Variants in KCNH7 observed in about 807,000 individuals in gnomAD.
KCNH7 encodes the protein voltage-gated inwardly rectifying potassium channel KCNH7.
Under a neutral mutation model 120.8 loss-of-function variants are expected in KCNH7, and 49 were observed. The observed-to-expected ratio is 0.41, with a 90% CI of 0.32 to 0.51. The LOEUF (loss-of-function observed/expected upper bound fraction) is 0.51, where lower values mean the gene tolerates loss of function less well. Ranked by LOEUF, KCNH7 falls within the 20% of genes least tolerant of loss-of-function variation. KCNH7 has a pLI of 0.38. For synonymous variants in KCNH7, 547 were observed against 516.1 expected (o/e 1.06, Z -0.81); for missense variants, 1,097 against 1,446.6 (o/e 0.76, Z 3.92).
intron 6 of KCNH7, among the ~76,000 whole-genome samples, chr2:162,461,568 T>C (rs1000863604): frequency 3.3e-5 from 5 of 152,232 alleles, no homozygotes; most frequent in African/African-American, 1.2e-4. Context: ...TGGTGTGACC[T>C]TGGAGCAAGT....
chr2:162,763,094 T>C (rs1432255725), intron 2 of KCNH7, among the ~76,000 whole-genome samples: 1 of 152,060 alleles, frequency 6.6e-6, no homozygotes, highest in Non-Finnish European at 1.5e-5. Flanking sequence ...CTATAAGAAT[T>C]TCAGGAATCA....
chr2:162,484,359 T>C (rs1171865289), intron 6 of KCNH7, among the ~76,000 whole-genome samples: 3 of 152,118 alleles, frequency 2.0e-5, no homozygotes, highest in Non-Finnish European at 4.4e-5. Context: ...CTGTGTCTCC[T>C]TGGTCCCCAT....
chr2:162,616,075 A>T (rs752095099), intron 2 of KCNH7, among the ~76,000 whole-genome samples: 38 of 152,190 alleles, frequency 2.5e-4, no homozygotes, highest in South Asian at 4.1e-4. Flanking sequence ...CACTTATTTT[A>T]AAATACCAAA....
intron 2 of KCNH7, among the ~76,000 whole-genome samples, chr2:162,560,801 C>T (rs1693035171): frequency 6.6e-6 from 1 of 152,132 alleles, no homozygotes. Flanking sequence ...TTTATTACTA[C>T]AAATACTTGT....
intron 6 of KCNH7, among the ~76,000 whole-genome samples, chr2:162,497,535 C>T (rs1420893225): frequency 1.3e-5 from 2 of 152,048 alleles, no homozygotes; most frequent in African/African-American, 4.8e-5. Flanking sequence ...ACAAGTATGT[C>T]CAACTGCCAC....
At chr2:162,507,002 C>T (rs571145632) in intron 5 of KCNH7, among the ~76,000 whole-genome samples, 1 of 151,880 alleles carries the variant, frequency 6.6e-6, no homozygotes, top group Non-Finnish European at 1.5e-5. Context: ...TTAAAACTAA[C>T]TGTTTCACAT....
At chr2:162,457,208 T>C (rs758667749) in intron 6 of KCNH7, among the ~76,000 whole-genome samples, 2 of 152,070 alleles carry the variant, frequency 1.3e-5, no homozygotes. Context: ...GGAAAAAAGC[T>C]GCTACACAGT....
At chr2:162,604,080 C>G (rs1244137501) in intron 2 of KCNH7, among the ~76,000 whole-genome samples, 1 of 152,036 alleles carries the variant, frequency 6.6e-6, no homozygotes, top group African/African-American at 2.4e-5. Flanking sequence ...AGTTTACTAA[C>G]TTAGCTAGAG....
chr2:162,379,960 A>C lies in KCNH7; in HGVS notation c.3024T>G (p.Ser1008Arg), dbSNP rs929415090. 6.8e-6 allele frequency: 11 copies of C among 1,613,926 alleles called. No homozygotes were observed. In the African/African-American group the frequency reaches 1.5e-4, roughly 22 times the overall value. ...ENAHPQPEDS[S>R]PSALQRAAWG... Reference sequence around the variant, plus strand: ...AGGCAGCTCGCTGAAGTGCAGATGGACTGGAGTCTTCAGGCTGGGGATGTG... The same window carrying C: ...AGGCAGCTCGCTGAAGTGCAGATGGCCTGGAGTCTTCAGGCTGGGGATGTG... Residue 1008 changes from serine (S) to arginine (R), a missense_variant, in exon 14 of 16, where the codon AGT (serine) becomes AGG (arginine). Physicochemically the swap from Ser to Arg is moderately radical, Grantham distance 110. Coordinates refer to ENST00000332142, the MANE Select transcript of KCNH7 (RefSeq NM_033272.4).
chr2:162,657,835 C>A (rs944723230), intron 2 of KCNH7, among the ~76,000 whole-genome samples: 13 of 151,662 alleles, frequency 8.6e-5, no homozygotes, highest in African/African-American at 3.2e-4. Context: ...AATCATAGAA[C>A]TAAATATAAA....
At chr2:162,687,014 T>C (rs924036599) in intron 2 of KCNH7, among the ~76,000 whole-genome samples, 5 of 152,096 alleles carry the variant, frequency 3.3e-5, no homozygotes, top group African/African-American at 4.8e-5. Flanking sequence ...TCTCTAGATT[T>C]GTAAAGGGCA....
intron 2 of KCNH7, among the ~76,000 whole-genome samples, chr2:162,688,244 A>C (rs1277313415): frequency 2.0e-5 from 3 of 152,138 alleles, no homozygotes; most frequent in Admixed American, 6.6e-5. Context: ...CTCAGGAAAA[A>C]ACACAAACTG....
At chr2:162,498,650 A>G (rs1044122200) in intron 6 of KCNH7, among the ~76,000 whole-genome samples, 1 of 152,020 alleles carries the variant, frequency 6.6e-6, no homozygotes, top group Non-Finnish European at 1.5e-5. Flanking sequence ...TCAAGGGACT[A>G]TACTTTTTCC....
At chr2:162,530,460 G>A (rs546320021) in intron 3 of KCNH7, among the ~76,000 whole-genome samples, 8 of 150,026 alleles carry the variant, frequency 5.3e-5, no homozygotes, top group East Asian at 3.9e-4. Flanking sequence ...GCTAGTGTGC[G>A]CGAGCGTGCG....
chr2:162,562,877 T>A (rs2105882536), intron 2 of KCNH7, among the ~76,000 whole-genome samples: 1 of 152,264 alleles, frequency 6.6e-6, no homozygotes, highest in African/African-American at 2.4e-5. Context: ...GGTGCCACAC[T>A]TGCGTCCCAT....
rs1032233894 is a variant in KCNH7 at position 162,561,054 on chromosome 2, T to C, written c.308-23974A>G. On this transcript the variant is annotated intron_variant, in intron 2 of 15. Coordinates refer to ENST00000332142, the MANE Select transcript of KCNH7 (RefSeq NM_033272.4). ...TGAAAATACAGAAATGAAATAACCT[T>C]TTTTTTTTTTTACTATCTGGAAATG... Among the ~76,000 whole-genome samples, 9 of 22,932 alleles carry C rather than the reference T, an allele frequency of 3.9e-4. No individual in the cohort carries two copies. In the African/African-American group the frequency reaches 6.5e-3, roughly 17 times the overall value. 15.0% of individuals were successfully genotyped at this position (22,932 alleles called of 152,430 possible). A position where few individuals can be genotyped will look rare whatever the true frequency, so the allele number is the denominator to read the frequency against.
chr2:162,682,413 GAGAC>G lies in KCNH7; in HGVS notation c.308-145337_308-145334del, dbSNP rs1210788328. On this transcript the variant is annotated intron_variant, in intron 2 of 15. Coordinates refer to ENST00000332142, the MANE Select transcript of KCNH7 (RefSeq NM_033272.4). ...ATAAGTCTAGTTGTCCTGAGAGACA[GAGAC>G]AGAGAGAGAGAGAGAGAGAGAGAGA... is the stretch of plus-strand genomic sequence containing the variant. Among the ~76,000 whole-genome samples the G allele has an allele frequency of 3.1e-5, 4 of 128,598 alleles. No homozygotes were observed. The East Asian group carries it at 9.9e-4, about 32-fold the overall frequency. The allele number at this position is 128,598 out of a possible 152,430, so 84.4% of individuals were successfully genotyped here. A position where few individuals can be genotyped will look rare whatever the true frequency, so the allele number is the denominator to read the frequency against.
intron 6 of KCNH7, among the ~76,000 whole-genome samples, chr2:162,469,853 C>T (rs1486002228): frequency 9.2e-5 from 14 of 152,306 alleles, no homozygotes; most frequent in East Asian, 7.8e-4. Flanking sequence ...ATTGCAGGCG[C>T]GCGCCGCCAC....
At chr2:162,530,459 CGCGAGCGT>C (rs1224296535) in intron 3 of KCNH7, among the ~76,000 whole-genome samples, 3 of 150,056 alleles carry the variant, frequency 2.0e-5, no homozygotes, top group African/African-American at 7.5e-5. Flanking sequence ...CGCTAGTGTG[CGCGAGCGT>C]GCGCGCACAC....
Sources: gnomAD v4.1 joint callset for allele counts (sites outside exome capture counted in the v4.1 genomes callset) on GRCh38, gnomAD v4.1.1 for gene constraint, MANE v1.5 for transcripts, NCBI Gene and HGNC (gene_info 2026-07-23, HGNC 2026-07-21) for gene names.